Variants in HDLBP observed in about 807,000 individuals in gnomAD.
The protein encoded by HDLBP is high density lipoprotein binding protein, also known as vigilin.
In HDLBP, 30 loss-of-function variants were observed where a neutral mutation model predicts 137.3. The observed-to-expected ratio is 0.22, with a 90% CI of 0.16 to 0.30. The LOEUF (loss-of-function observed/expected upper bound fraction) is 0.30. Among genes scored for constraint, HDLBP ranks in the 10% least tolerant of loss-of-function variants. The pLI, the probability that HDLBP is intolerant of heterozygous loss-of-function variation, is 1.00. For missense variants in HDLBP, 1,119 were observed against 1,667.3 expected, an observed-to-expected ratio of 0.67 and a Z score of 5.73; for synonymous variants, 606 against 596.0, an observed-to-expected ratio of 1.02 and a Z score of -0.24.
intron 16 of HDLBP, among the ~76,000 whole-genome samples, chr2:241,243,962 A>G (rs1012599019): frequency 1.3e-5 from 2 of 152,254 alleles, no homozygotes; most frequent in Non-Finnish European, 2.9e-5. Context: ...AGAATCAGCC[A>G]GCCAAGGACA....
At chr2:241,253,306 T>C (rs2072347698) in intron 10 of HDLBP, 87 bp downstream of exon 10, 3 of 902,428 alleles carry the variant, frequency 3.3e-6, no homozygotes, top group South Asian at 1.3e-5. Context: ...CCCGGACATG[T>C]GGGATGTCAT....
At position 241,286,758 on chromosome 2, in the gene HDLBP, T is replaced by C. The variant is rs1375144977; in HGVS notation, c.-102-18217A>G. Among the ~76,000 whole-genome samples, 5 of 151,872 alleles carry C rather than the reference T, an allele frequency of 3.3e-5. No individual in the cohort carries two copies. In the East Asian group the frequency reaches 5.8e-4, roughly 18 times the overall value. On this transcript the variant is annotated intron_variant, in intron 1 of 27. Transcript: ENST00000310931. ...CTGGGTTTACAATGGTGAAACCCTG[T>C]CTCTACCAAAAAATAAAAAATAAAA...
At chr2:241,247,981 A>C in intron 14 of HDLBP, 22 bp downstream of exon 14, 3 of 1,547,690 alleles carry the variant, frequency 1.9e-6, no homozygotes, top group Non-Finnish European at 2.7e-6. Context: ...GTCATACAAG[A>C]AAGGATGTGA....
chr2:241,279,454 A>G (rs1245339276), intron 1 of HDLBP, among the ~76,000 whole-genome samples: 1 of 152,234 alleles, frequency 6.6e-6, no homozygotes, highest in Non-Finnish European at 1.5e-5. Context: ...ACTCTGAAGA[A>G]AACAACGTGG....
intron 1 of HDLBP, among the ~76,000 whole-genome samples, chr2:241,307,599 C>A (rs952683117): frequency 2.0e-5 from 3 of 152,096 alleles, no homozygotes; most frequent in Non-Finnish European, 4.4e-5. Context: ...ACTGGCAACC[C>A]CCCCATGAGG....
At position 241,229,965 on chromosome 2, in the gene HDLBP, CAGG is replaced by C. The variant is rs1164604378; in HGVS notation, c.3592-7_3592-5del. On this transcript the variant is annotated splice_polypyrimidine_tract_variant and splice_region_variant and intron_variant, in intron 26 of 27. Transcript: ENST00000310931. ...CACTGTCCACCACGTCAGCTAGCTG[CAGG>C]CAGAAGACAGGAAGACAGGGTCAGT... 1.4e-5 allele frequency: 23 copies of C among 1,593,308 alleles called. No individual in the cohort carries two copies. The highest frequency in any genetic ancestry group is 1.9e-5 in the Non-Finnish European group (22 of 1,168,792).
intron 16 of HDLBP, 121 bp downstream of exon 16, chr2:241,246,631 G>A (rs879197882): frequency 7.3e-6 from 7 of 954,104 alleles, no homozygotes; most frequent in Non-Finnish European, 1.1e-5. Flanking sequence ...ATTGAAAGGT[G>A]CAATCTTCCA....
Position 241,236,411 on chromosome 2 carries a change from G to A in HDLBP, c.2904+204C>T, listed in dbSNP as rs141107820. ...TCCCAGAAAGGGGCTATAGAACCCC[G>A]AGCCTTGGTGAAGGGAAGTGGCCTC... On this transcript the variant is annotated intron_variant, in intron 21 of 27. Transcript: ENST00000310931. The A allele has an allele frequency of 1.0e-3, 626 of 596,758 alleles. 13 individuals carry two copies. The East Asian group carries it at 0.017, about 16-fold the overall frequency. 37.0% of individuals were successfully genotyped at this position (596,758 alleles called of 1,614,324 possible). A position where few individuals can be genotyped will look rare whatever the true frequency, so the allele number is the denominator to read the frequency against.
At chr2:241,242,935 G>A (rs1574891129) in intron 16 of HDLBP, 2 of 538,480 alleles carry the variant, frequency 3.7e-6, no homozygotes, top group East Asian at 3.2e-5. Flanking sequence ...AGGACCCAGA[G>A]TCCTCGTGAA....
At position 241,281,346 on chromosome 2, in the gene HDLBP, C is replaced by T. The variant is rs143321112; in HGVS notation, c.-102-12805G>A. 9.1e-3 allele frequency among the ~76,000 whole-genome samples: 1,377 copies of T among 151,448 alleles called. 29 individuals are homozygous for T. Among genetic ancestry groups the T allele is most frequent in the Non-Finnish European group, 7.8e-3 (531 of 67,850 alleles). ...TCCAGCCTGTGCAACAGGAGTGAAA[C>T]TCCGTCTTAAAAATAAATAAATAAA... is the stretch of plus-strand genomic sequence containing the variant. On this transcript the variant is annotated intron_variant, in intron 1 of 27. Coordinates refer to ENST00000310931, the MANE Select transcript of HDLBP (RefSeq NM_005336.6).
At chr2:241,289,995 T>C (rs553939376) in intron 1 of HDLBP, among the ~76,000 whole-genome samples, 1 of 152,094 alleles carries the variant, frequency 6.6e-6, no homozygotes, top group African/African-American at 2.4e-5. Context: ...AACTTCAATA[T>C]GCAGATGGGC....
intron 1 of HDLBP, among the ~76,000 whole-genome samples, chr2:241,285,299 TGTG>T (rs546731071): frequency 5.2e-4 from 79 of 152,394 alleles, no homozygotes; most frequent in Non-Finnish European, 1.0e-3. Flanking sequence ...CAGGCTTTCT[TGTG>T]GTGGTATCAC....
rs1223022371 is a variant in HDLBP, at chr2:241,256,708, T to C, written c.549A>G (p.Lys183=). ...GGTCATCTGGGCGTGGGATCTGGAT[T>C]TTGGTTGCAGTTTTTAGCTCCAAGT... ...LQDLELKTAT[K]IQIPRPDDPS... The change falls in exon 6 of 28, where the codon AAA becomes AAG. Residue 183 remains lysine (K), a synonymous_variant. Coordinates refer to ENST00000310931, the MANE Select transcript of HDLBP (RefSeq NM_005336.6). The C allele has an allele frequency of 4.3e-6, 7 of 1,614,204 alleles. No individual in the cohort carries two copies. In the Admixed American group the frequency reaches 1.2e-4, roughly 27 times the overall value.
At chr2:241,273,356 C>A in intron 1 of HDLBP, 3 of 609,708 alleles carry the variant, frequency 4.9e-6, no homozygotes, top group Admixed American at 6.3e-5. Context: ...TAATCTCCCC[C>A]CCAAAATGTA....
At position 241,252,954 on chromosome 2, in the gene HDLBP, C is replaced by T. The variant is rs763099301; in HGVS notation, c.1372+3G>A. The T allele has an allele frequency of 2.5e-6, 4 of 1,598,084 alleles. No homozygotes were observed. The highest frequency in any genetic ancestry group is 3.4e-6 in the Non-Finnish European group (4 of 1,166,276). ...CCCCACCGCAACAGACAGCCTCACT[C>T]ACTGTTGGCACCGCTCTTCCCAATG... On this transcript the variant is annotated splice_donor_region_variant and intron_variant, in intron 11 of 27. Coordinates refer to ENST00000310931, the MANE Select transcript of HDLBP (RefSeq NM_005336.6).
chr2:241,282,776 G>A (rs2074653574), intron 1 of HDLBP, among the ~76,000 whole-genome samples: 1 of 152,164 alleles, frequency 6.6e-6, no homozygotes, highest in African/African-American at 2.4e-5. Flanking sequence ...TGCTGTGTGT[G>A]TTCTGACTGC....
In HDLBP at chr2:241,264,978, C is replaced by A. The variant is rs143177378; in HGVS notation, c.77-373G>T. The stretch of plus-strand genomic sequence containing the variant: ...TTTTAAGTCCTCTAGAGTCTAATAA[C>A]ACACTTAAAAAAATCACAACTATGG... On this transcript the variant is annotated intron_variant, in intron 3 of 27. Transcript: ENST00000310931. Among the ~76,000 whole-genome samples the A allele has an allele frequency of 6.0e-3, 914 of 152,336 alleles. 3 individuals are homozygous for A. The highest frequency in any genetic ancestry group is 9.7e-3 in the Non-Finnish European group (658 of 68,028).
chr2:241,230,288 G>T lies in HDLBP; in HGVS notation c.3475-19C>A. ...TGTCCACCTGGAAGGGGTGTACAAC[G>T]TCAGATGAGGGGACTCCAAGCGAGG... On this transcript the variant is annotated intron_variant, in intron 25 of 27. Coordinates refer to ENST00000310931, the MANE Select transcript of HDLBP (RefSeq NM_005336.6). The surrounding 1 kb of genome is among the most constrained non-coding windows in gnomAD (Gnocchi z 5.0). 1 of 1,431,112 alleles carries T rather than the reference G, an allele frequency of 7.0e-7. No individual in the cohort carries two copies. 88.7% of individuals were successfully genotyped at this position (1,431,112 alleles called of 1,614,324 possible).
chr2:241,253,561 C>A, intron 9 of HDLBP, 64 bp from the exon 10 acceptor site: 1 of 1,124,982 alleles, frequency 8.9e-7, no homozygotes, highest in Non-Finnish European at 1.4e-6. Flanking sequence ...CCTGAGCTCC[C>A]AGTGGGAGCT....
Sources: gnomAD v4.1 joint callset for allele counts (sites outside exome capture counted in the v4.1 genomes callset) on GRCh38, gnomAD v4.1.1 for gene constraint, Gnocchi (gnomAD v3.1) non-coding constraint, MANE v1.5 for transcripts, NCBI Gene and HGNC (gene_info 2026-07-23, HGNC 2026-07-21) for gene names.